Variants in MVB12B observed in about 807,000 individuals in gnomAD.
MVB12B encodes the protein multivesicular body subunit 12B, also known as ESCRT-I complex subunit MVB12B.
A neutral mutation model predicts 41.6 loss-of-function variants in MVB12B; 16 were observed. The ratio of observed to expected loss-of-function variants is 0.38; its 90% CI spans 0.26 to 0.58. The LOEUF (loss-of-function observed/expected upper bound fraction) is 0.58, where lower values mean the gene tolerates loss of function less well. MVB12B is among the 20% of genes least tolerant of loss of function. MVB12B has a pLI of 0.62. For missense variants in MVB12B, 274 were observed against 380.2 expected (o/e 0.72, Z 2.32); for synonymous variants, 133 against 139.7 (o/e 0.95, Z 0.34).
intron 7 of MVB12B, among the ~76,000 whole-genome samples, chr9:126,479,582 T>TG (rs1469669916): frequency 2.0e-5 from 3 of 152,216 alleles, no homozygotes; most frequent in Non-Finnish European, 2.9e-5. Flanking sequence ...CCCCACTTTC[T>TG]GGGGAAGTGT....
At chr9:126,349,005 A>G (rs777824885) in intron 2 of MVB12B, among the ~76,000 whole-genome samples, 1 of 152,146 alleles carries the variant, frequency 6.6e-6, no homozygotes, top group Non-Finnish European at 1.5e-5. Flanking sequence ...AGTTCCCAAG[A>G]GGAGCAGACA....
At position 126,395,510 on chromosome 9, in the gene MVB12B, C is replaced by T. The variant is rs141164492; in HGVS notation, c.540-65C>T. 4 of 1,579,588 alleles carry T rather than the reference C, an allele frequency of 2.5e-6. No homozygotes were observed. The East Asian group carries it at 9.0e-5, about 35-fold the overall frequency. On this transcript the variant is annotated intron_variant, in intron 5 of 9. Coordinates refer to ENST00000361171, the MANE Select transcript of MVB12B (RefSeq NM_033446.3). The surrounding 1 kb of genome is among the most constrained non-coding windows in gnomAD (Gnocchi z 4.9). Reference sequence around the variant, plus strand: ...TGACTCTTTTAAATGAATTGGTTTGCTTTGTCACTCAGGTAAATGCTTTGT... The same window carrying T: ...TGACTCTTTTAAATGAATTGGTTTGTTTTGTCACTCAGGTAAATGCTTTGT...
chr9:126,438,980 T>C (rs943239133), intron 7 of MVB12B, among the ~76,000 whole-genome samples: 1 of 152,094 alleles, frequency 6.6e-6, no homozygotes, highest in Non-Finnish European at 1.5e-5. Flanking sequence ...GTCCGCCTCA[T>C]CAGCCATTCC....
At chr9:126,410,141 T>TG (rs1831590559) in intron 6 of MVB12B, among the ~76,000 whole-genome samples, 1 of 148,472 alleles carries the variant, frequency 6.7e-6, no homozygotes, top group Non-Finnish European at 1.5e-5. Context: ...TGATTTGGTT[T>TG]TGTGTGTGTG....
intron 2 of MVB12B, among the ~76,000 whole-genome samples, chr9:126,369,488 T>C (rs1167486356): frequency 2.0e-5 from 3 of 152,236 alleles, no homozygotes. Flanking sequence ...TTGATGCCCA[T>C]GCAACCCCCA....
intron 6 of MVB12B, among the ~76,000 whole-genome samples, chr9:126,415,405 AAGAC>A (rs138603593): frequency 0.068 from 10,295 of 152,232 alleles, 366 homozygotes; most frequent in Middle Eastern, 0.12. Context: ...AATATTTTAA[AAGAC>A]AGCCAAATAT....
rs3814123 is a variant in MVB12B, at chr9:126,506,397, C to G, written c.*3134C>G. 13,434 of 152,654 alleles carry G rather than the reference C, an allele frequency of 0.088. 775 individuals are homozygous for G. The highest frequency in any genetic ancestry group is 0.21 in the Middle Eastern group (62 of 294). 9.5% of individuals were successfully genotyped at this position (152,654 alleles called of 1,614,324 possible). A position where few individuals can be genotyped will look rare whatever the true frequency, so the allele number is the denominator to read the frequency against. On this transcript the variant is annotated 3_prime_UTR_variant, in exon 10 of 10. Coordinates refer to ENST00000361171, the MANE Select transcript of MVB12B (RefSeq NM_033446.3). ...AAGCGGCAGAGGCAGGGCCAGCCAT[C>G]CTGTCGCAAGCCCGTGCTGGGGCTG... is the stretch of plus-strand genomic sequence containing the variant.
At position 126,376,484 on chromosome 9, in the gene MVB12B, G is replaced by A. The variant is rs1303182862; in HGVS notation, c.205-4580G>A. 3 of 1,286,750 alleles carry A rather than the reference G, an allele frequency of 2.3e-6. No homozygotes were observed. Among genetic ancestry groups the A allele is most frequent in the South Asian group, 1.2e-5 (1 of 80,960 alleles). 79.7% of individuals were successfully genotyped at this position (1,286,750 alleles called of 1,614,324 possible). On this transcript the variant is annotated intron_variant, in intron 2 of 9. Transcript: ENST00000361171. This position sits in a 1 kb window ranked among gnomAD's most constrained non-coding sequence, Gnocchi z 4.1. ...CTCATGGGCTGGAGCCCTGTGGGTG[G>A]GGGGCCTGCTGGCTGGTGTGCTACA...
At chr9:126,353,285 TATAA>T (rs1829800597) in intron 2 of MVB12B, among the ~76,000 whole-genome samples, 1 of 152,244 alleles carries the variant, frequency 6.6e-6, no homozygotes, top group Non-Finnish European at 1.5e-5. Flanking sequence ...TATTATACTG[TATAA>T]ATACACTCTC....
intron 6 of MVB12B, chr9:126,396,951 GCT>G (rs1291240729): frequency 1.0e-6 from 1 of 985,480 alleles, no homozygotes; most frequent in East Asian, 1.1e-4. Context: ...AGCGCTGTCA[GCT>G]CCGCCCTGGA....
At chr9:126,497,162 AG>A (rs1484509703) in intron 9 of MVB12B, among the ~76,000 whole-genome samples, 2 of 152,158 alleles carry the variant, frequency 1.3e-5, no homozygotes, top group Non-Finnish European at 2.9e-5. Flanking sequence ...TCTTAGCTCC[AG>A]GGAGCAGGGG....
At chr9:126,415,353 G>A (rs976626182) in intron 6 of MVB12B, among the ~76,000 whole-genome samples, 8 of 152,180 alleles carry the variant, frequency 5.3e-5, no homozygotes, top group African/African-American at 1.9e-4. Context: ...ACTGGATGCT[G>A]TGGTCATAGG....
chr9:126,431,669 C>A (rs1251678605), intron 7 of MVB12B, among the ~76,000 whole-genome samples: 2 of 152,106 alleles, frequency 1.3e-5, no homozygotes, highest in Non-Finnish European at 2.9e-5. Flanking sequence ...TGGGCCACAT[C>A]CCCTTCTTAA....
intron 2 of MVB12B, among the ~76,000 whole-genome samples, chr9:126,351,589 A>G (rs953911185): frequency 6.8e-6 from 1 of 147,428 alleles, no homozygotes. Context: ...TCTGGGTTCA[A>G]GCAGTTCTCC....
At chr9:126,428,319 A>G (rs1370291027) in intron 7 of MVB12B, among the ~76,000 whole-genome samples, 1 of 152,206 alleles carries the variant, frequency 6.6e-6, no homozygotes, top group African/African-American at 2.4e-5. Flanking sequence ...GTATTATGAA[A>G]TTCATGATTT....
chr9:126,472,789 A>T (rs3739568), intron 7 of MVB12B, among the ~76,000 whole-genome samples: 1 of 152,130 alleles, frequency 6.6e-6, no homozygotes, highest in Admixed American at 6.5e-5. Flanking sequence ...CATGATCGTT[A>T]TGATAAAGGG....
At chr9:126,385,987 G>A (rs894802649) in intron 3 of MVB12B, among the ~76,000 whole-genome samples, 1 of 152,166 alleles carries the variant, frequency 6.6e-6, no homozygotes, top group African/African-American at 2.4e-5. Flanking sequence ...ACTTTAGGAG[G>A]CCCTTGTGCG....
intron 7 of MVB12B, among the ~76,000 whole-genome samples, chr9:126,433,181 A>G (rs964549098): frequency 5.3e-5 from 8 of 152,032 alleles, no homozygotes; most frequent in Non-Finnish European, 1.0e-4. Context: ...CTTATGGTGA[A>G]GCTTAGAACC....
chr9:126,405,112 T>C (rs1368396422), intron 6 of MVB12B, among the ~76,000 whole-genome samples: 1 of 152,248 alleles, frequency 6.6e-6, no homozygotes, highest in East Asian at 1.9e-4. Flanking sequence ...GCTTCGGAGC[T>C]GGCCTTGGCG....
Sources: gnomAD v4.1 joint callset for allele counts (sites outside exome capture counted in the v4.1 genomes callset) on GRCh38, gnomAD v4.1.1 for gene constraint, Gnocchi (gnomAD v3.1) non-coding constraint, MANE v1.5 for transcripts, NCBI Gene and HGNC (gene_info 2026-07-23, HGNC 2026-07-21) for gene names.